CREB3L4: variants seen among roughly 807,000 people sequenced by gnomAD.
CREB3L4 encodes cAMP responsive element binding protein 3 like 4.
A neutral mutation model predicts 37.0 loss-of-function variants in CREB3L4; 28 were observed. The ratio of observed to expected loss-of-function variants is 0.76; its 90% CI spans 0.56 to 1.04. CREB3L4 has a LOEUF of 1.04. Ranked by LOEUF, CREB3L4 falls within the 50% of genes least tolerant of loss-of-function variation. The pLI, the probability that CREB3L4 is intolerant of heterozygous loss-of-function variation, is 0.00. For missense variants in CREB3L4, 462 were observed against 486.0 expected, an observed-to-expected ratio of 0.95 and a Z score of 0.46; for synonymous variants, 175 against 192.2, an observed-to-expected ratio of 0.91 and a Z score of 0.74.
rs1200746415 is a variant in CREB3L4, at chr1:153,969,159, T to G, written c.404T>G (p.Leu135Arg). 1 of 1,614,138 alleles carries G rather than the reference T, an allele frequency of 6.2e-7. No individual in the cohort carries two copies. The highest frequency in any genetic ancestry group is 8.5e-7 in the Non-Finnish European group (1 of 1,180,018). Residue 135 changes from leucine (L) to arginine (R), a missense_variant, in exon 3 of 10, where the codon CTT becomes CGT. Leu to Arg is a moderately radical substitution (Grantham distance 102). Transcript: ENST00000368607. Reference protein sequence around the residue: ...MQGETGPNVGLISIQLDQWSP... With the variant: ...MQGETGPNVGRISIQLDQWSP... ...GGGGAAACTGGGCCAAATGTAGGCC[T>G]TATCTCCATCCAGCTAGGTCAGTGT... is the stretch of plus-strand genomic sequence containing the variant.
rs767907410 is a variant in CREB3L4, at chr1:153,968,648, G to C, written c.123G>C (p.Arg41Ser). The C allele has an allele frequency of 8.9e-5, 143 of 1,613,874 alleles. 1 individual carries two copies. In the South Asian group the frequency reaches 1.5e-3, roughly 17 times the overall value. ...HCPPPEVPVTRLQEQGLQGWK... is the reference protein window; with the variant it reads ...HCPPPEVPVTSLQEQGLQGWK... ...CCCCTCCAGAGGTTCCGGTAACTAG[G>C]CTACAGGAACAGGGACTGCAAGGCT... The change falls in exon 2 of 10, where the codon AGG (arginine) becomes AGC (serine). Residue 41 changes from arginine (R) to serine (S), a missense_variant. Arg to Ser is a moderately radical substitution (Grantham distance 110). Coordinates refer to ENST00000368607, the MANE Select transcript of CREB3L4 (RefSeq NM_001255978.2).
Position 153,973,187 on chromosome 1 carries a change from C to G in CREB3L4, c.744-8C>G, listed in dbSNP as rs1648567870. ...TGCTGAGCCTTGTCCTACCTCCCTA[C>G]ATTCTAGGGTGGCAGCCTGTTCTGC... On this transcript the variant is annotated splice_polypyrimidine_tract_variant and splice_region_variant and intron_variant, in intron 6 of 9. Coordinates refer to ENST00000368607, the MANE Select transcript of CREB3L4 (RefSeq NM_001255978.2). 1 of 1,613,732 alleles carries G rather than the reference C, an allele frequency of 6.2e-7. No homozygotes were observed. Among genetic ancestry groups the G allele is most frequent in the African/African-American group, 1.3e-5 (1 of 74,900 alleles).
At chr1:153,969,865 C>A (rs1427590046) in intron 4 of CREB3L4, 6 of 190,076 alleles carry the variant, frequency 3.2e-5, no homozygotes, top group Non-Finnish European at 6.6e-5. Flanking sequence ...ATCTGCCTAC[C>A]TCAGCCTCCC....
chr1:153,972,474 A>G (rs189666797), intron 4 of CREB3L4, among the ~76,000 whole-genome samples: 14 of 152,310 alleles, frequency 9.2e-5, no homozygotes, highest in Admixed American at 7.8e-4. Context: ...AGCCTTCTCT[A>G]GCTTGCTCAG....
At chr1:153,971,489 G>A (rs1027761793) in intron 4 of CREB3L4, among the ~76,000 whole-genome samples, 2 of 151,266 alleles carry the variant, frequency 1.3e-5, no homozygotes, top group African/African-American at 2.4e-5. Flanking sequence ...GGTTGGTCTC[G>A]AACTCCTAGC....
At position 153,973,865 on chromosome 1, in the gene CREB3L4, C is replaced by A; in HGVS notation, c.995-7C>A. ...TCTACTACTGCCCTCTTGCCTTCACCTCACAGTGACTTCCAGAAATATCCT... is the reference window on the plus strand; with the variant it reads ...TCTACTACTGCCCTCTTGCCTTCACATCACAGTGACTTCCAGAAATATCCT... On this transcript the variant is annotated splice_region_variant and splice_polypyrimidine_tract_variant and intron_variant, in intron 9 of 9. Transcript: ENST00000368607. The A allele has an allele frequency of 6.2e-7, 1 of 1,613,620 alleles. No homozygotes were observed. The highest frequency in any genetic ancestry group is 1.1e-5 in the South Asian group (1 of 91,042).
intron 9 of CREB3L4, 64 bp downstream of exon 9, chr1:153,973,780 G>C: frequency 6.4e-7 from 1 of 1,558,640 alleles, no homozygotes; most frequent in Non-Finnish European, 8.8e-7. Flanking sequence ...GTTCTCCAAG[G>C]TCGTCAAGAA....
rs1648692281 is a variant in CREB3L4, at chr1:153,974,194, C to T, written c.*129C>T. ...GGGTCCAAATCACTTCAGGACACCC[C>T]AAGAGATGTCCTTTAGTCTCTGCCT... On this transcript the variant is annotated 3_prime_UTR_variant, in exon 10 of 10. Transcript: ENST00000368607. 7 of 778,698 alleles carry T rather than the reference C, an allele frequency of 9.0e-6. No homozygotes were observed. In the East Asian group the frequency reaches 1.6e-4, roughly 18 times the overall value. The allele number at this position is 778,698 out of a possible 1,614,324, so 48.2% of individuals were successfully genotyped here.
chr1:153,972,908 G>A, intron 5 of CREB3L4, 64 bp from the exon 6 acceptor site: 14 of 1,598,472 alleles, frequency 8.8e-6, no homozygotes, highest in Non-Finnish European at 1.1e-5. Flanking sequence ...AATATCCCAG[G>A]AGAAGCATTG....
chr1:153,973,346 AGAT>A (rs775650432), intron 7 of CREB3L4, 31 bp from the exon 8 acceptor site: 2 of 1,612,798 alleles, frequency 1.2e-6, no homozygotes, highest in Non-Finnish European at 1.7e-6. Flanking sequence ...CCTGGTACCC[AGAT>A]GATACTAACT....
chr1:153,972,373 A>G (rs758888658), intron 4 of CREB3L4, among the ~76,000 whole-genome samples: 3 of 152,210 alleles, frequency 2.0e-5, no homozygotes, highest in African/African-American at 7.2e-5. Context: ...CTGAAAGTGA[A>G]TCATGTGCTT....
Position 153,973,954 on chromosome 1 carries a change from A to C in CREB3L4, c.1077A>C (p.Pro359=). ...TQVVESRLRE[P]PGAKDANGST... is the part of the protein sequence containing the mutation. ...TGGTAGAGTCCAGACTGAGGGAGCC[A>C]CCTGGAGCCAAGGATGCAAATGGCT... The change falls in exon 10 of 10, where the codon CCA becomes CCC. Residue 359 remains proline (P), a synonymous_variant. Transcript: ENST00000368607. The C allele has an allele frequency of 6.2e-7, 1 of 1,614,172 alleles. No individual in the cohort carries two copies. The highest frequency in any genetic ancestry group is 8.5e-7 in the Non-Finnish European group (1 of 1,180,008).
chr1:153,970,508 G>GC (rs893463898), intron 4 of CREB3L4, among the ~76,000 whole-genome samples: 6 of 152,296 alleles, frequency 3.9e-5, no homozygotes, highest in African/African-American at 1.4e-4. Context: ...TGCCCAGGAG[G>GC]CACCCACTGG....
chr1:153,969,246 T>C, intron 3 of CREB3L4, 70 bp downstream of exon 3: 1 of 1,614,024 alleles, frequency 6.2e-7, no homozygotes, highest in Non-Finnish European at 8.5e-7. Flanking sequence ...TTAAGGGGGT[T>C]TACCCAACCT....
chr1:153,969,198 G>C, intron 3 of CREB3L4, 22 bp downstream of exon 3: 2 of 1,614,016 alleles, frequency 1.2e-6, no homozygotes, highest in Non-Finnish European at 1.7e-6. Context: ...TTGTGGGAAG[G>C]GGGAAATGGC....
In CREB3L4 at chr1:153,969,092, T is replaced by C. The variant is rs1318350082; in HGVS notation, c.337T>C (p.Tyr113His). ...APRATSSPMLYEVVYEAGALE... is the reference protein window; with the variant it reads ...APRATSSPMLHEVVYEAGALE... Reference sequence around the variant, plus strand: ...CAGGGCAACCAGTTCTCCTATGCTCTATGAGGTTGTCTATGAGGCAGGGGC... The same window carrying C: ...CAGGGCAACCAGTTCTCCTATGCTCCATGAGGTTGTCTATGAGGCAGGGGC... Residue 113 changes from tyrosine to histidine, a missense_variant, in exon 3 of 10, where the codon TAT (tyrosine) becomes CAT (histidine). Physicochemically the swap from Tyr to His is moderately conservative, Grantham distance 83. Coordinates refer to ENST00000368607, the MANE Select transcript of CREB3L4 (RefSeq NM_001255978.2). 6.2e-7 allele frequency: 1 copy of C among 1,614,172 alleles called. No individual in the cohort carries two copies. Among genetic ancestry groups the C allele is most frequent in the South Asian group, 1.1e-5 (1 of 91,080 alleles).
Position 153,969,042 on chromosome 1 carries a change from G to A in CREB3L4, c.287G>A (p.Cys96Tyr). The change falls in exon 3 of 10, where the codon TGC (cysteine) becomes TAC (tyrosine). Residue 96 changes from cysteine to tyrosine, a missense_variant. Transcript: ENST00000368607. ...GSDSGISEDP[C>Y]HPDSPPAPRA... ...GACAGTGGCATCTCTGAGGACCCCT[G>A]CCATCCAGACAGTCCCCCTGCCCCC... 7 of 1,614,174 alleles carry A rather than the reference G, an allele frequency of 4.3e-6. No individual in the cohort carries two copies. Among genetic ancestry groups the A allele is most frequent in the Non-Finnish European group, 5.9e-6 (7 of 1,180,020 alleles).
chr1:153,972,171 C>T (rs1467493899), intron 4 of CREB3L4, among the ~76,000 whole-genome samples: 1 of 152,182 alleles, frequency 6.6e-6, no homozygotes, highest in African/African-American at 2.4e-5. Context: ...CATCCACTCT[C>T]CGTACATCCT....
At position 153,973,897 on chromosome 1, in the gene CREB3L4, C is replaced by A. The variant is rs779538808; in HGVS notation, c.1020C>A (p.His340Gln). ...HGVTSRNILT[H>Q]KDVTENLETQ... is the part of the protein sequence containing the mutation. Reference sequence around the variant, plus strand: ...TGACTTCCAGAAATATCCTGACCCACAAGGACGTAACAGAAAATCTGGAGA... The same window carrying A: ...TGACTTCCAGAAATATCCTGACCCAAAAGGACGTAACAGAAAATCTGGAGA... Residue 340 changes from histidine to glutamine, a missense_variant, in exon 10 of 10, where the codon CAC (histidine) becomes CAA (glutamine). Coordinates refer to ENST00000368607, the MANE Select transcript of CREB3L4 (RefSeq NM_001255978.2). The A allele has an allele frequency of 6.2e-7, 1 of 1,614,148 alleles. No individual in the cohort carries two copies. The highest frequency in any genetic ancestry group is 1.1e-5 in the South Asian group (1 of 91,086).
Sources: allele counts gnomAD v4.1 joint callset (sites outside exome capture counted in the v4.1 genomes callset), GRCh38; gene constraint gnomAD v4.1.1; transcripts MANE v1.5; gene names NCBI Gene and HGNC (gene_info 2026-07-23, HGNC 2026-07-21).